The following OCA2 variants were observed in gnomAD, a reference collection of about 807,000 sequenced individuals.
OCA2 encodes P protein.
Under a neutral mutation model 100.2 loss-of-function variants are expected in OCA2, and 77 were observed. The ratio of observed to expected loss-of-function variants is 0.77; its 90% CI spans 0.64 to 0.93. The LOEUF (loss-of-function observed/expected upper bound fraction) is 0.93. Ranked by LOEUF, OCA2 falls within the 40% of genes least tolerant of loss-of-function variation. The probability of loss-of-function intolerance (pLI) is 0.00; values close to 1 mark genes in which losing one functional copy is unlikely to be tolerated. For missense variants in OCA2, 1,062 were observed against 1,089.1 expected (o/e 0.98, Z 0.35); for synonymous variants, 432 against 439.2 (o/e 0.98, Z 0.21).
rs557217089 is a variant in OCA2 at position 27,984,235 on chromosome 15, A to G, written c.1365-752T>C. Among the ~76,000 whole-genome samples, 5 of 152,078 alleles carry G rather than the reference A, an allele frequency of 3.3e-5. No homozygotes were observed. The South Asian group carries it at 8.3e-4, about 25-fold the overall frequency. ...TGGAGCTCCACCATGGCCTCACACT[A>G]GATTTGTGCTGGAATCTGGGAGTCC... is the stretch of plus-strand genomic sequence containing the variant. On this transcript the variant is annotated intron_variant, in intron 13 of 23. Transcript: ENST00000354638.
chr15:27,827,683 T>C (rs8029618), intron 23 of OCA2, among the ~76,000 whole-genome samples: 3,378 of 152,294 alleles, frequency 0.022, 143 homozygotes, highest in African/African-American at 0.078. Context: ...AAAAGGGGGA[T>C]ATTTTATTTT....
chr15:27,799,743 T>TAA (rs35856122), intron 23 of OCA2, among the ~76,000 whole-genome samples: 13 of 84,694 alleles, frequency 1.5e-4, no homozygotes, highest in Admixed American at 1.3e-4. Flanking sequence ...AGACTCCGTC[T>TAA]AAAAAAAAAA....
At chr15:27,983,623 T>A (rs767650555) in intron 13 of OCA2, 140 bp from the exon 14 acceptor site, 9 of 896,828 alleles carry the variant, frequency 1.0e-5, no homozygotes, top group Non-Finnish European at 1.6e-5. Flanking sequence ...AAGGCAGTGC[T>A]GGGGGGAATG....
chr15:27,953,612 A>T (rs1050320535), intron 17 of OCA2, among the ~76,000 whole-genome samples: 2 of 152,192 alleles, frequency 1.3e-5, no homozygotes, highest in Non-Finnish European at 2.9e-5. Context: ...CAGCCAGTGC[A>T]AAGATTGGAG....
chr15:27,779,894 C>T (rs2032448135), intron 23 of OCA2, among the ~76,000 whole-genome samples: 1 of 152,056 alleles, frequency 6.6e-6, no homozygotes, highest in African/African-American at 2.4e-5. Context: ...TTTGTTTATA[C>T]TGATATGCTT....
chr15:27,817,304 C>T (rs917489147), intron 23 of OCA2, among the ~76,000 whole-genome samples: 2 of 152,204 alleles, frequency 1.3e-5, no homozygotes, highest in African/African-American at 4.8e-5. Flanking sequence ...ATCACTAGAT[C>T]AGCTGCTCTC....
intron 23 of OCA2, among the ~76,000 whole-genome samples, chr15:27,763,334 C>T (rs951103572): frequency 1.3e-4 from 20 of 152,040 alleles, no homozygotes; most frequent in African/African-American, 4.8e-4. Flanking sequence ...ATAAAAGACC[C>T]TGCTAGGAGG....
intron 15 of OCA2, among the ~76,000 whole-genome samples, chr15:27,963,502 T>C (rs747654539): frequency 8.6e-5 from 13 of 152,046 alleles, no homozygotes; most frequent in Non-Finnish European, 1.6e-4. Context: ...GGAAGGTATA[T>C]AAACCATCTA....
intron 19 of OCA2, among the ~76,000 whole-genome samples, chr15:27,893,233 T>C (rs1410831683): frequency 6.6e-6 from 1 of 152,254 alleles, no homozygotes; most frequent in African/African-American, 2.4e-5. Flanking sequence ...TAATTTCTTA[T>C]GCCTGTCTTT....
chr15:27,807,683 G>A (rs949484732), intron 23 of OCA2, among the ~76,000 whole-genome samples: 2 of 151,870 alleles, frequency 1.3e-5, no homozygotes, highest in South Asian at 2.1e-4. Flanking sequence ...TTCACTCTTC[G>A]GAAGAAAATG....
At chr15:27,986,547 T>C (rs374017625) in intron 12 of OCA2, 40 bp downstream of exon 12, 223 of 1,166,570 alleles carry the variant, frequency 1.9e-4, no homozygotes, top group Non-Finnish European at 2.7e-4. Flanking sequence ...CATATATAAA[T>C]TAATCAGGAT....
the OCA2 span, among the ~76,000 whole-genome samples, chr15:27,730,738 TA>T: frequency 0.28 from 2,263 of 8,202 alleles, 109 homozygotes; most frequent in African/African-American, 0.46. Context: ...ACCAAATATA[TA>T]TATATATATA....
chr15:27,956,374 G>A (rs892097545), intron 16 of OCA2, among the ~76,000 whole-genome samples: 11 of 152,104 alleles, frequency 7.2e-5, no homozygotes, highest in African/African-American at 2.7e-4. Context: ...TGCAGAGCTC[G>A]ACCTTGCTTT....
intron 2 of OCA2, among the ~76,000 whole-genome samples, chr15:28,064,841 T>G (rs2043976145): frequency 6.8e-6 from 1 of 146,462 alleles, no homozygotes; most frequent in Non-Finnish European, 1.5e-5. Context: ...ATTTGTTTCT[T>G]TGTATGTCTT....
Position 27,825,200 on chromosome 15 carries a change from C to T in OCA2, c.2432+19759G>A, listed in dbSNP as rs111692621. 7.0e-4 allele frequency among the ~76,000 whole-genome samples: 106 copies of T among 152,270 alleles called. 2 individuals are homozygous for T. In the Middle Eastern group the frequency reaches 0.01, roughly 15 times the overall value. On this transcript the variant is annotated intron_variant, in intron 23 of 23. Coordinates refer to ENST00000354638, the MANE Select transcript of OCA2 (RefSeq NM_000275.3). ...GCCTCCTCCAGCCACGTGGCCCACACGGAGGAGGGCAGCCCGCTGTGCACC... is the reference window on the plus strand; with the variant it reads ...GCCTCCTCCAGCCACGTGGCCCACATGGAGGAGGGCAGCCCGCTGTGCACC...
rs1280092718 is a variant in OCA2 at position 28,028,055 on chromosome 15, G to A, written c.331C>T (p.Arg111Trp). Residue 111 changes from arginine (R) to tryptophan (W), a missense_variant, in exon 4 of 24, where the codon CGG (arginine) becomes TGG (tryptophan). By Grantham distance (101) the Arg-to-Trp change is moderately radical. Coordinates refer to ENST00000354638, the MANE Select transcript of OCA2 (RefSeq NM_000275.3). ...TCTGGATGGTAAACAGGTATGCACC[G>A]TGACCTGGAAAGCAAGAGAGGTGTG... ...LRNSLQEKGSRCIPVYHPEFI... is the reference protein window; with the variant it reads ...LRNSLQEKGSWCIPVYHPEFI... 3.1e-6 allele frequency: 5 copies of A among 1,614,224 alleles called. No individual in the cohort carries two copies. The highest frequency in any genetic ancestry group is 2.2e-5 in the East Asian group (1 of 44,880).
At chr15:28,019,748 G>C (rs1183578501) in intron 6 of OCA2, among the ~76,000 whole-genome samples, 2 of 152,084 alleles carry the variant, frequency 1.3e-5, no homozygotes, top group Non-Finnish European at 2.9e-5. Context: ...TTCCAACCAG[G>C]CCGAGGCCCC....
Position 27,783,207 on chromosome 15 carries a change from C to T in OCA2, c.2433-27735G>A, listed in dbSNP as rs149074409. Among the ~76,000 whole-genome samples the T allele has an allele frequency of 5.1e-3, 779 of 152,228 alleles. 7 individuals carry two copies. Among genetic ancestry groups the T allele is most frequent in the African/African-American group, 0.018 (742 of 41,536 alleles). Reference sequence around the variant, plus strand: ...GTGGGGGGATTCTGGGGACCCCAAGCATGAAAGTGAAAGTCATTCTTAAAG... The same window carrying T: ...GTGGGGGGATTCTGGGGACCCCAAGTATGAAAGTGAAAGTCATTCTTAAAG... On this transcript the variant is annotated intron_variant, in intron 23 of 23. Transcript: ENST00000354638.
At chr15:27,949,524 G>A (rs2039961532) in intron 18 of OCA2, among the ~76,000 whole-genome samples, 1 of 152,120 alleles carries the variant, frequency 6.6e-6, no homozygotes, top group Non-Finnish European at 1.5e-5. Context: ...TTAGCCGGGT[G>A]TGGTGGCGCA....
Sources: gnomAD v4.1 joint callset for allele counts (sites outside exome capture counted in the v4.1 genomes callset) on GRCh38, gnomAD v4.1.1 for gene constraint, MANE v1.5 for transcripts, NCBI Gene and HGNC (gene_info 2026-07-23, HGNC 2026-07-21) for gene names.